NRBP2: variants seen among roughly 807,000 people sequenced by gnomAD.
The protein encoded by NRBP2 is nuclear receptor-binding protein 2.
Under a neutral mutation model 74.4 loss-of-function variants are expected in NRBP2, and 47 were observed. The ratio of observed to expected loss-of-function variants is 0.63; its 90% CI spans 0.50 to 0.81. The LOEUF is 0.81. Ranked by LOEUF, NRBP2 falls within the 30% of genes least tolerant of loss-of-function variation. The pLI, the probability that NRBP2 is intolerant of heterozygous loss-of-function variation, is 0.00. For synonymous variants in NRBP2, 312 were observed against 273.8 expected, an observed-to-expected ratio of 1.14 and a Z score of -1.38; for missense variants, 613 against 690.1, an observed-to-expected ratio of 0.89 and a Z score of 1.25.
Position 143,835,843 on chromosome 8 carries a change from C to G in NRBP2, c.1414G>C (p.Val472Leu), listed in dbSNP as rs781803631. ...ACCTCGTGGAGGAAGCCATAGTGCACGAGCTCCGAGGCGAGGTCCTGGGCG... is the reference window on the plus strand; with the variant it reads ...ACCTCGTGGAGGAAGCCATAGTGCAGGAGCTCCGAGGCGAGGTCCTGGGCG... ...DSAQDLASEL[V>L]HYGFLHEDDR... Residue 472 changes from valine (V) to leucine (L), a missense_variant, in exon 17 of 18, where the codon GTG (valine) becomes CTG (leucine). Around this residue, in one of 2 missense-constraint regions of NRBP2, gnomAD observed 281 missense variants for 260.9 expected, o/e 1.08. Transcript: ENST00000442628. This position sits in a 1 kb window ranked among gnomAD's most constrained non-coding sequence, Gnocchi z 4.9. The G allele has an allele frequency of 3.7e-6, 6 of 1,600,968 alleles. No homozygotes were observed. Among genetic ancestry groups the G allele is most frequent in the Non-Finnish European group, 5.1e-6 (6 of 1,176,392 alleles).
At chr8:143,836,304 A>C in intron 14 of NRBP2, 124 bp from the exon 15 acceptor site, 9 of 1,329,392 alleles carry the variant, frequency 6.8e-6, no homozygotes, top group Non-Finnish European at 8.9e-6. Context: ...AGCCCATCTC[A>C]CTGCTAGTGG....
chr8:143,837,936 C>G lies in NRBP2; in HGVS notation c.841-181G>C, dbSNP rs56155080. 2.2e-3 allele frequency: 1,703 copies of G among 762,088 alleles called. 16 individuals are homozygous for G. In the African/African-American group the frequency reaches 0.026, roughly 12 times the overall value. 47.2% of individuals were successfully genotyped at this position (762,088 alleles called of 1,614,324 possible). ...CCAGGCCAGGACCTGGTCCTCTGAG[C>G]TTGAGGACAGCTGGGTTCTGGGATT... On this transcript the variant is annotated intron_variant, in intron 10 of 17. Transcript: ENST00000442628. The surrounding 1 kb of genome is among the most constrained non-coding windows in gnomAD (Gnocchi z 4.3).
downstream of NRBP2, among the ~76,000 whole-genome samples, chr8:143,833,078 G>A (rs1818217865): frequency 6.6e-6 from 1 of 152,184 alleles, no homozygotes; most frequent in Non-Finnish European, 1.5e-5. Flanking sequence ...CTGGTGAAGA[G>A]TTAACCCATG....
intron 10 of NRBP2, chr8:143,838,076 C>T: frequency 1.7e-6 from 1 of 593,766 alleles, no homozygotes. Context: ...TCAGCTCGGG[C>T]CCAACACTGG....
In NRBP2 at chr8:143,837,935, G is replaced by A; in HGVS notation, c.841-180C>T. On this transcript the variant is annotated intron_variant, in intron 10 of 17. Transcript: ENST00000442628. The surrounding 1 kb of genome is among the most constrained non-coding windows in gnomAD (Gnocchi z 4.3). Reference sequence around the variant, plus strand: ...GCCAGGCCAGGACCTGGTCCTCTGAGCTTGAGGACAGCTGGGTTCTGGGAT... The same window carrying A: ...GCCAGGCCAGGACCTGGTCCTCTGAACTTGAGGACAGCTGGGTTCTGGGAT... 1 of 763,486 alleles carries A rather than the reference G, an allele frequency of 1.3e-6. No individual in the cohort carries two copies. Among genetic ancestry groups the A allele is most frequent in the African/African-American group, 1.7e-5 (1 of 58,524 alleles). The allele number at this position is 763,486 out of a possible 1,614,324, so 47.3% of individuals were successfully genotyped here.
downstream of NRBP2, among the ~76,000 whole-genome samples, chr8:143,831,989 T>C (rs1003332666): frequency 6.6e-6 from 1 of 152,236 alleles, no homozygotes; most frequent in Non-Finnish European, 1.5e-5. Context: ...GCATAAAGAC[T>C]GTGGGGAAAA....
At chr8:143,838,645 G>A (rs1554652554) in intron 10 of NRBP2, 35 bp downstream of exon 10, 10 of 1,516,700 alleles carry the variant, frequency 6.6e-6, no homozygotes, top group South Asian at 1.2e-5. Flanking sequence ...TGAGCACGGT[G>A]AGCCAGCTGG....
In NRBP2 at chr8:143,835,500, G is replaced by C; in HGVS notation, c.*162C>G. The C allele has an allele frequency of 2.9e-6, 2 of 701,570 alleles. No individual in the cohort carries two copies. The highest frequency in any genetic ancestry group is 2.4e-6 in the Non-Finnish European group (1 of 410,402). 43.5% of individuals were successfully genotyped at this position (701,570 alleles called of 1,614,324 possible). The stretch of plus-strand genomic sequence containing the variant: ...ACCCCCCAACCCCTCGGCGCCCAAG[G>C]CAGGGTCAGCCCCACTCTCAGGAGA... On this transcript the variant is annotated 3_prime_UTR_variant, in exon 18 of 18. Transcript: ENST00000442628. The surrounding 1 kb of genome is among the most constrained non-coding windows in gnomAD (Gnocchi z 4.9).
Position 143,839,983 on chromosome 8 carries a change from C to T in NRBP2, c.300G>A (p.Pro100=), listed in dbSNP as rs1554653278. The T allele has an allele frequency of 6.5e-6, 10 of 1,536,164 alleles. No homozygotes were observed. In the South Asian group the frequency reaches 1.2e-4, roughly 18 times the overall value. ...AGTACTTGTGCAACTTCACGATGTTCGGGTGGTCCACCAGCACCAGCTGCT... is the reference window on the plus strand; with the variant it reads ...AGTACTTGTGCAACTTCACGATGTTTGGGTGGTCCACCAGCACCAGCTGCT... ...VFEQLVLVDH[P]NIVKLHKYWL... is the part of the protein sequence containing the mutation. Residue 100 remains proline (P), a synonymous_variant, in exon 3 of 18, where the codon CCG becomes CCA. Coordinates refer to ENST00000442628, the MANE Select transcript of NRBP2 (RefSeq NM_178564.4). This position sits in a 1 kb window ranked among gnomAD's most constrained non-coding sequence, Gnocchi z 5.1.
chr8:143,839,587 G>A lies in NRBP2; in HGVS notation c.445-38C>T, dbSNP rs2130557471. 1.8e-5 allele frequency: 27 copies of A among 1,520,076 alleles called. No individual in the cohort carries two copies. In the East Asian group the frequency reaches 3.7e-4, roughly 21 times the overall value. 94.2% of individuals were successfully genotyped at this position (1,520,076 alleles called of 1,614,324 possible). A position where few individuals can be genotyped will look rare whatever the true frequency, so the allele number is the denominator to read the frequency against. ...GCACGACTCCGTCGGTCGGGTGGGC[G>A]CAGGAGAGGCGGCTGGGCCTGCGGA... On this transcript the variant is annotated intron_variant, in intron 4 of 17. Transcript: ENST00000442628. This position sits in a 1 kb window ranked among gnomAD's most constrained non-coding sequence, Gnocchi z 5.1.
At chr8:143,830,379 G>A (rs1350958031), downstream of NRBP2, among the ~76,000 whole-genome samples, 10 of 152,230 alleles carry the variant, frequency 6.6e-5, no homozygotes, top group Non-Finnish European at 1.3e-4. Flanking sequence ...ACCGGGGCTG[G>A]CAGGCACTGC....
In NRBP2 at chr8:143,840,790, C is replaced by CTCCCGT; in HGVS notation, c.39_44dup (p.Arg18_Glu19dup). 1 of 1,504,430 alleles carries CTCCCGT rather than the reference C, an allele frequency of 6.6e-7. No homozygotes were observed. The highest frequency in any genetic ancestry group is 2.7e-5 in the East Asian group (1 of 36,588). The allele number at this position is 1,504,430 out of a possible 1,614,324, so 93.2% of individuals were successfully genotyped here. A position where few individuals can be genotyped will look rare whatever the true frequency, so the allele number is the denominator to read the frequency against. ...CCTCGCTCTCGTCCTCCCGCTCCCGCTCCCGTTCCCGGGCCCGCCTCGGCG... is the reference window on the plus strand; with the variant it reads ...CCTCGCTCTCGTCCTCCCGCTCCCGCTCCCGTTCCCGTTCCCGGGCCCGCCTCGGCG... On this transcript the variant is annotated inframe_insertion, in exon 1 of 18. Transcript: ENST00000442628. The surrounding 1 kb of genome is among the most constrained non-coding windows in gnomAD (Gnocchi z 5.7).
At chr8:143,836,546 C>T (rs1818399009) in intron 14 of NRBP2, among the ~76,000 whole-genome samples, 1 of 151,936 alleles carries the variant, frequency 6.6e-6, no homozygotes, top group Admixed American at 6.6e-5. Context: ...TGCTGGCAGC[C>T]AGGAGCAGGC....
chr8:143,837,601 C>T lies in NRBP2; in HGVS notation c.973+22G>A. 2 of 1,597,430 alleles carry T rather than the reference C, an allele frequency of 1.3e-6. No homozygotes were observed. Among genetic ancestry groups the T allele is most frequent in the South Asian group, 1.1e-5 (1 of 88,298 alleles). On this transcript the variant is annotated intron_variant, in intron 11 of 17. Coordinates refer to ENST00000442628, the MANE Select transcript of NRBP2 (RefSeq NM_178564.4). This position sits in a 1 kb window ranked among gnomAD's most constrained non-coding sequence, Gnocchi z 4.3. ...CCAACCTCCACCTCCCCAGCCACCCCCCGGGCCGGCCTGCTGCTCACACTG... is the reference window on the plus strand; with the variant it reads ...CCAACCTCCACCTCCCCAGCCACCCTCCGGGCCGGCCTGCTGCTCACACTG...
chr8:143,840,305 C>T lies in NRBP2; in HGVS notation c.130-76G>A. The T allele has an allele frequency of 6.6e-7, 1 of 1,510,888 alleles. No individual in the cohort carries two copies. The highest frequency in any genetic ancestry group is 8.8e-7 in the Non-Finnish European group (1 of 1,130,370). The allele number at this position is 1,510,888 out of a possible 1,614,324, so 93.6% of individuals were successfully genotyped here. A position where few individuals can be genotyped will look rare whatever the true frequency, so the allele number is the denominator to read the frequency against. ...GGTGAGGATTTGGTCCCTGTCCACA[C>T]CTTTCCAGTGGGCCCAAGCGTGGGC... On this transcript the variant is annotated intron_variant, in intron 1 of 17. Transcript: ENST00000442628. This position sits in a 1 kb window ranked among gnomAD's most constrained non-coding sequence, Gnocchi z 5.7.
chr8:143,838,057 T>C, intron 10 of NRBP2: 1 of 638,482 alleles, frequency 1.6e-6, no homozygotes, highest in Non-Finnish European at 2.9e-6. Context: ...CCATGGCCTT[T>C]TGATCGGCTC....
At chr8:143,836,425 T>C (rs1818389540) in intron 14 of NRBP2, among the ~76,000 whole-genome samples, 1 of 151,522 alleles carries the variant, frequency 6.6e-6, no homozygotes, top group South Asian at 2.1e-4. Context: ...GAGGGAACTG[T>C]GGGCGTGGGG....
chr8:143,832,358 T>C (rs1467384802), downstream of NRBP2, among the ~76,000 whole-genome samples: 2 of 152,028 alleles, frequency 1.3e-5, no homozygotes, highest in Admixed American at 6.6e-5. Context: ...GTCTGAAATA[T>C]GGCCTCGTGG....
chr8:143,833,835 T>C lies in NRBP2; in HGVS notation c.*1827A>G, dbSNP rs1223668073. 1 of 152,224 alleles carries C rather than the reference T, an allele frequency of 6.6e-6. No homozygotes were observed. The highest frequency in any genetic ancestry group is 1.5e-5 in the Non-Finnish European group (1 of 68,040). The allele number at this position is 152,224 out of a possible 1,614,324, so 9.4% of individuals were successfully genotyped here. A position where few individuals can be genotyped will look rare whatever the true frequency, so the allele number is the denominator to read the frequency against. ...CCATGCATAATCAGACAGTTTAGCA[T>C]GAGGGTTTCCATCTAGGATATGGAA... On this transcript the variant is annotated 3_prime_UTR_variant, in exon 18 of 18. Transcript: ENST00000442628.
Sources: allele counts gnomAD v4.1 joint callset (sites outside exome capture counted in the v4.1 genomes callset), GRCh38; gene constraint gnomAD v4.1.1; regional missense constraint gnomAD v4.1.1; non-coding constraint Gnocchi (gnomAD v3.1); transcripts MANE v1.5; gene names NCBI Gene and HGNC (gene_info 2026-07-23, HGNC 2026-07-21).